The following MAGI2 variants were observed in gnomAD, a reference collection of about 807,000 sequenced individuals.
MAGI2 encodes the protein membrane associated guanylate kinase, WW and PDZ domain containing 2, also known as membrane-associated guanylate kinase, WW and PDZ domain-containing protein 2.
In MAGI2, 35 loss-of-function variants were observed where a neutral mutation model predicts 133.3. The ratio of observed to expected loss-of-function variants is 0.26; its 90% confidence interval spans 0.20 to 0.35. The LOEUF (loss-of-function observed/expected upper bound fraction) is 0.35, where lower values mean the gene tolerates loss of function less well. Ranked by LOEUF, MAGI2 falls within the 10% of genes least tolerant of loss-of-function variation. The probability of loss-of-function intolerance (pLI) is 1.00; values close to 1 mark genes in which losing one functional copy is unlikely to be tolerated. For missense variants in MAGI2, 1,636 were observed against 1,863.4 expected (o/e 0.88, Z 2.25); for synonymous variants, 729 against 710.6 (o/e 1.03, Z -0.41).
chr7:79,226,436 T>C (rs1421817480), intron 1 of MAGI2, among the ~76,000 whole-genome samples: 1 of 152,258 alleles, frequency 6.6e-6, no homozygotes, highest in African/African-American at 2.4e-5. Context: ...ATCTTCCCTT[T>C]TTATACTGAT....
intron 1 of MAGI2, among the ~76,000 whole-genome samples, chr7:79,141,915 A>G (rs951845775): frequency 9.2e-5 from 14 of 152,162 alleles, no homozygotes; most frequent in Middle Eastern, 3.2e-3. Flanking sequence ...AATGCATAAT[A>G]CAATACTTTT....
At chr7:79,068,576 G>A (rs1386004076) in intron 1 of MAGI2, among the ~76,000 whole-genome samples, 1 of 152,002 alleles carries the variant, frequency 6.6e-6, no homozygotes, top group African/African-American at 2.4e-5. Flanking sequence ...GGTTTTTTGT[G>A]TGTGTATCTC....
intron 2 of MAGI2, among the ~76,000 whole-genome samples, chr7:78,892,860 A>C (rs552528639): frequency 6.6e-6 from 1 of 152,114 alleles, no homozygotes; most frequent in Non-Finnish European, 1.5e-5. Context: ...AATGGCAACA[A>C]AAGCCAAAAT....
At chr7:78,573,289 TA>T (rs1491166258) in intron 3 of MAGI2, among the ~76,000 whole-genome samples, 1 of 57,510 alleles carries the variant, frequency 1.7e-5, no homozygotes, top group Non-Finnish European at 2.9e-5. Context: ...TATATTTATA[TA>T]AATATATATA....
At chr7:78,445,380 T>C (rs1322665401) in intron 6 of MAGI2, among the ~76,000 whole-genome samples, 1 of 152,108 alleles carries the variant, frequency 6.6e-6, no homozygotes, top group Non-Finnish European at 1.5e-5. Flanking sequence ...TTCTTTATAC[T>C]GATCCATCTT....
At chr7:78,274,936 C>T (rs1193580991) in intron 9 of MAGI2, among the ~76,000 whole-genome samples, 1 of 152,124 alleles carries the variant, frequency 6.6e-6, no homozygotes, top group African/African-American at 2.4e-5. Flanking sequence ...GCCTCTTTTC[C>T]TTTCCAGGGG....
chr7:78,336,437 G>T (rs1789772077), intron 9 of MAGI2, among the ~76,000 whole-genome samples: 1 of 152,158 alleles, frequency 6.6e-6, no homozygotes, highest in Non-Finnish European at 1.5e-5. Context: ...AGAATTCTAG[G>T]ATCGGCTGGG....
chr7:78,017,231 A>G lies in MAGI2; in HGVS notation c.*2084T>C, dbSNP rs955496016. On this transcript the variant is annotated 3_prime_UTR_variant, in exon 22 of 22. Coordinates refer to ENST00000354212, the MANE Select transcript of MAGI2 (RefSeq NM_012301.4). ...TATTAATACATGGAATTATATTTATAGAGATACAGCTGTACAGGGTAAATT... is the reference window on the plus strand; with the variant it reads ...TATTAATACATGGAATTATATTTATGGAGATACAGCTGTACAGGGTAAATT... 2 of 152,658 alleles carry G rather than the reference A, an allele frequency of 1.3e-5. No individual in the cohort carries two copies. The highest frequency in any genetic ancestry group is 4.8e-5 in the African/African-American group (2 of 41,458). The allele number at this position is 152,658 out of a possible 1,614,324, so 9.5% of individuals were successfully genotyped here. A position where few individuals can be genotyped will look rare whatever the true frequency, so the allele number is the denominator to read the frequency against.
intron 1 of MAGI2, among the ~76,000 whole-genome samples, chr7:79,335,160 C>G (rs1251754927): frequency 6.6e-6 from 1 of 152,090 alleles, no homozygotes; most frequent in Non-Finnish European, 1.5e-5. Context: ...TGAAGATATT[C>G]TGAAGATTTT....
chr7:78,702,736 A>C (rs1018183708), intron 2 of MAGI2, among the ~76,000 whole-genome samples: 5 of 152,040 alleles, frequency 3.3e-5, no homozygotes, highest in Admixed American at 3.3e-4. Flanking sequence ...CATCTATTAT[A>C]AATTCCAGGA....
At chr7:78,642,832 C>G (rs1810449440) in intron 2 of MAGI2, among the ~76,000 whole-genome samples, 1 of 152,184 alleles carries the variant, frequency 6.6e-6, no homozygotes, top group Non-Finnish European at 1.5e-5. Flanking sequence ...CACTAGGATT[C>G]AAACCTGGGC....
intron 1 of MAGI2, among the ~76,000 whole-genome samples, chr7:79,327,517 T>G (rs935748630): frequency 6.6e-6 from 1 of 152,102 alleles, no homozygotes; most frequent in African/African-American, 2.4e-5. Flanking sequence ...TTAGGAACAC[T>G]AACAGTTATA....
chr7:78,627,485 G>A (rs1242824484), intron 2 of MAGI2, among the ~76,000 whole-genome samples: 5 of 152,128 alleles, frequency 3.3e-5, no homozygotes, highest in African/African-American at 9.7e-5. Flanking sequence ...ATATGGCTGC[G>A]TATATTTTTC....
chr7:79,354,156 A>C (rs563131315), intron 1 of MAGI2: 20 of 152,292 alleles, frequency 1.3e-4, no homozygotes, highest in Admixed American at 1.2e-3. Flanking sequence ...ACTCCTTTGG[A>C]TCTATCAACA....
At chr7:78,471,919 C>T (rs1053195799) in intron 6 of MAGI2, among the ~76,000 whole-genome samples, 2 of 149,596 alleles carry the variant, frequency 1.3e-5, no homozygotes, top group Admixed American at 6.6e-5. Flanking sequence ...AGCAAGACTC[C>T]ATCTCAAAAA....
At chr7:78,415,343 A>C (rs1364185712) in intron 6 of MAGI2, among the ~76,000 whole-genome samples, 1 of 152,082 alleles carries the variant, frequency 6.6e-6, no homozygotes, top group East Asian at 1.9e-4. Flanking sequence ...AAAATAGGAC[A>C]GTCTCCAAAA....
chr7:78,396,677 T>C (rs1487634263), intron 6 of MAGI2, among the ~76,000 whole-genome samples: 1 of 152,188 alleles, frequency 6.6e-6, no homozygotes, highest in Non-Finnish European at 1.5e-5. Flanking sequence ...TTGAGACTCA[T>C]GGTACTTTGA....
chr7:79,104,635 T>C (rs1818289702), intron 1 of MAGI2, among the ~76,000 whole-genome samples: 1 of 151,948 alleles, frequency 6.6e-6, no homozygotes, highest in Non-Finnish European at 1.5e-5. Context: ...CCACCGCACT[T>C]TAGCCTGGCA....
intron 1 of MAGI2, among the ~76,000 whole-genome samples, chr7:79,024,719 A>G (rs1260508528): frequency 3.9e-5 from 6 of 152,190 alleles, no homozygotes; most frequent in Non-Finnish European, 8.8e-5. Context: ...TTTCAGAAGA[A>G]GACATATGCA....
Sources: allele counts gnomAD v4.1 joint callset (sites outside exome capture counted in the v4.1 genomes callset), GRCh38; gene constraint gnomAD v4.1.1; transcripts MANE v1.5; gene names NCBI Gene and HGNC (gene_info 2026-07-23, HGNC 2026-07-21).